The following KCNQ5 variants were observed in gnomAD, a reference collection of about 807,000 sequenced individuals.
KCNQ5 encodes potassium voltage-gated channel subfamily Q member 5.
KCNQ5 carries 30 observed loss-of-function variants against 98.2 expected under a neutral mutation model. The ratio of observed to expected loss-of-function variants is 0.31; its 90% CI spans 0.23 to 0.41. KCNQ5 has a LOEUF of 0.41. KCNQ5 is among the 10% of genes least tolerant of loss of function. The probability of loss-of-function intolerance (pLI) is 1.00; values close to 1 mark genes in which losing one functional copy is unlikely to be tolerated. For synonymous variants in KCNQ5, 458 were observed against 449.4 expected, an observed-to-expected ratio of 1.02 and a Z score of -0.24; for missense variants, 835 against 1,182.5, an observed-to-expected ratio of 0.71 and a Z score of 4.31.
At chr6:72,967,754 A>G (rs1767689106) in intron 1 of KCNQ5, 1 of 154,814 alleles carries the variant, frequency 6.5e-6, no homozygotes, top group Non-Finnish European at 1.5e-5. Context: ...GAACTTCACC[A>G]TTCACACCTA....
chr6:72,935,214 G>A (rs1332776911), intron 1 of KCNQ5, among the ~76,000 whole-genome samples: 3 of 151,606 alleles, frequency 2.0e-5, no homozygotes, highest in African/African-American at 7.3e-5. Flanking sequence ...GAGATTACAG[G>A]TGCCCACCAC....
chr6:73,090,521 T>C (rs1456199695), intron 5 of KCNQ5, among the ~76,000 whole-genome samples: 1 of 152,210 alleles, frequency 6.6e-6, no homozygotes, highest in Non-Finnish European at 1.5e-5. Context: ...CAATGTTATC[T>C]TCTAGAGTGT....
At chr6:72,968,543 G>A (rs576606055) in intron 1 of KCNQ5, among the ~76,000 whole-genome samples, 44 of 152,112 alleles carry the variant, frequency 2.9e-4, no homozygotes, top group Non-Finnish European at 4.4e-4. Flanking sequence ...GGAAGGCAAA[G>A]GTGTAGACAA....
At chr6:73,026,204 TC>T (rs1312953446) in intron 2 of KCNQ5, among the ~76,000 whole-genome samples, 2 of 152,154 alleles carry the variant, frequency 1.3e-5, no homozygotes, top group Non-Finnish European at 2.9e-5. Context: ...AAGGCCTTTG[TC>T]CTGGAATGTA....
chr6:72,714,880 G>C (rs1185837941), intron 1 of KCNQ5, among the ~76,000 whole-genome samples: 1 of 152,054 alleles, frequency 6.6e-6, no homozygotes, highest in South Asian at 2.1e-4. Context: ...ATCATATTTA[G>C]AATAAACAAA....
At chr6:72,811,259 T>A (rs1013522437) in intron 1 of KCNQ5, among the ~76,000 whole-genome samples, 2 of 152,166 alleles carry the variant, frequency 1.3e-5, no homozygotes, top group African/African-American at 4.8e-5. Context: ...ATATTTCTGG[T>A]AGAAAAGAAA....
chr6:73,073,086 G>A (rs894999220), intron 3 of KCNQ5, among the ~76,000 whole-genome samples: 2 of 151,982 alleles, frequency 1.3e-5, no homozygotes, highest in African/African-American at 4.8e-5. Context: ...ATTTATTCCT[G>A]ATTTATTATC....
chr6:73,159,751 T>G (rs1346726544), intron 10 of KCNQ5, among the ~76,000 whole-genome samples: 1 of 152,228 alleles, frequency 6.6e-6, no homozygotes, highest in Non-Finnish European at 1.5e-5. Flanking sequence ...ATATATATTT[T>G]GAATTGTGAT....
At chr6:72,770,265 A>C (rs1772794559) in intron 1 of KCNQ5, among the ~76,000 whole-genome samples, 1 of 152,128 alleles carries the variant, frequency 6.6e-6, no homozygotes, top group South Asian at 2.1e-4. Context: ...ACAAAGGCCA[A>C]GTAGGTCTAG....
chr6:72,907,798 C>T (rs937183574), intron 1 of KCNQ5, among the ~76,000 whole-genome samples: 5 of 151,948 alleles, frequency 3.3e-5, no homozygotes, highest in African/African-American at 9.7e-5. Context: ...GGTTTCTAAG[C>T]AATCCCACTA....
At chr6:72,990,730 T>C (rs1222819823) in intron 1 of KCNQ5, among the ~76,000 whole-genome samples, 1 of 32,580 alleles carries the variant, frequency 3.1e-5, no homozygotes, top group African/African-American at 1.3e-4. Flanking sequence ...ATCCCTGTCT[T>C]GTGCCAGTTT....
At chr6:73,117,848 T>C (rs1045612949) in intron 7 of KCNQ5, among the ~76,000 whole-genome samples, 3 of 152,222 alleles carry the variant, frequency 2.0e-5, no homozygotes, top group Non-Finnish European at 4.4e-5. Context: ...GTATAATATT[T>C]GCAAAGATTA....
intron 2 of KCNQ5, among the ~76,000 whole-genome samples, chr6:73,027,774 T>C (rs1259233758): frequency 6.6e-6 from 1 of 152,216 alleles, no homozygotes; most frequent in East Asian, 1.9e-4. Flanking sequence ...AGTGGTATAA[T>C]CACAAATTCT....
intron 1 of KCNQ5, among the ~76,000 whole-genome samples, chr6:72,834,317 T>C (rs1039902191): frequency 6.6e-6 from 1 of 152,160 alleles, no homozygotes; most frequent in Non-Finnish European, 1.5e-5. Flanking sequence ...TAGGATAATT[T>C]GCCAAGACCT....
intron 11 of KCNQ5, among the ~76,000 whole-genome samples, chr6:73,174,977 T>C (rs1357306700): frequency 1.3e-5 from 2 of 152,130 alleles, no homozygotes; most frequent in African/African-American, 4.8e-5. Context: ...CCCGCTTCCA[T>C]GATGAGTCAC....
intron 6 of KCNQ5, among the ~76,000 whole-genome samples, chr6:73,109,565 GA>G (rs1453632774): frequency 6.6e-6 from 1 of 152,108 alleles, no homozygotes; most frequent in Non-Finnish European, 1.5e-5. Context: ...TTACACAGCA[GA>G]AAAAAATTAG....
chr6:73,111,416 G>GT lies in KCNQ5; in HGVS notation c.1125+14dup. The GT allele has an allele frequency of 6.4e-7, 1 of 1,559,776 alleles. No individual in the cohort carries two copies. The highest frequency in any genetic ancestry group is 8.8e-7 in the Non-Finnish European group (1 of 1,141,100). On this transcript the variant is annotated intron_variant, in intron 7 of 13. Transcript: ENST00000370398. ...CAACCTCATTCAGGTAAATGTCAAT[G>GT]TAATAGGTAGATGGCAACATTTGTG... is the stretch of plus-strand genomic sequence containing the variant.
chr6:72,994,766 G>C (rs1769206970), intron 1 of KCNQ5, among the ~76,000 whole-genome samples: 1 of 152,170 alleles, frequency 6.6e-6, no homozygotes, highest in Middle Eastern at 3.2e-3. Flanking sequence ...TGGGAAAATT[G>C]TTGGCTATTA....
At chr6:72,725,614 G>A (rs1770223223) in intron 1 of KCNQ5, among the ~76,000 whole-genome samples, 1 of 152,052 alleles carries the variant, frequency 6.6e-6, no homozygotes, top group Non-Finnish European at 1.5e-5. Context: ...TGTGCAGAAT[G>A]GTGACTATAA....
Sources: allele counts gnomAD v4.1 joint callset (sites outside exome capture counted in the v4.1 genomes callset), GRCh38; gene constraint gnomAD v4.1.1; transcripts MANE v1.5; gene names NCBI Gene and HGNC (gene_info 2026-07-23, HGNC 2026-07-21).